Variants in TEDC2 observed in about 807,000 individuals in gnomAD.
The protein encoded by TEDC2 is tubulin epsilon and delta complex protein 2.
Under a neutral mutation model 48.1 loss-of-function variants are expected in TEDC2, and 49 were observed. The observed-to-expected ratio is 1.02, with a 90% confidence interval of 0.81 to 1.29. The LOEUF is 1.29. TEDC2 is among the 50% of genes most tolerant of loss of function. TEDC2 has a pLI of 0.00. For missense variants in TEDC2, 631 were observed against 571.4 expected (o/e 1.10, Z -1.06); for synonymous variants, 299 against 247.1 (o/e 1.21, Z -1.97).
Position 2,460,312 on chromosome 16 carries a change from A to T in TEDC2, c.56A>T (p.Asp19Val). ...GTGGCCGAGCTGCAGGGCGCCCTGG[A>T]CGCCTGCGCACAGCGACAATTGCAA... Reference protein sequence around the residue: ...RLVAELQGALDACAQRQLQLE... With the variant: ...RLVAELQGALVACAQRQLQLE... The change falls in exon 2 of 10, where the codon GAC becomes GTC. Residue 19 changes from aspartate (D) to valine (V), a missense_variant. Asp to Val is a radical substitution (Grantham distance 152). Transcript: ENST00000361837. 1 of 1,535,248 alleles carries T rather than the reference A, an allele frequency of 6.5e-7. No homozygotes were observed. Among genetic ancestry groups the T allele is most frequent in the Non-Finnish European group, 8.7e-7 (1 of 1,144,026 alleles).
chr16:2,462,600 GC>G, intron 7 of TEDC2, 30 bp from the exon 8 acceptor site: 1 of 1,537,700 alleles, frequency 6.5e-7, no homozygotes, highest in Non-Finnish European at 8.8e-7. Context: ...ACTGCCACGG[GC>G]CCCACCTGCT....
chr16:2,464,755 T>C lies in TEDC2; in HGVS notation c.*87T>C, dbSNP rs916954338. The C allele has an allele frequency of 1.1e-5, 17 of 1,545,790 alleles. No homozygotes were observed. The highest frequency in any genetic ancestry group is 1.7e-4 in the Middle Eastern group (1 of 5,968). On this transcript the variant is annotated 3_prime_UTR_variant, in exon 10 of 10. Coordinates refer to ENST00000361837, the MANE Select transcript of TEDC2 (RefSeq NM_025108.3). The stretch of plus-strand genomic sequence containing the variant: ...GTGCTCGGGGACCCAGAGATGCCTG[T>C]GCTTCCCTGGGAAACCTGGTGAACT...
intron 9 of TEDC2, 78 bp from the exon 10 acceptor site, chr16:2,464,444 G>A (rs1437087831): frequency 1.2e-5 from 17 of 1,438,474 alleles, no homozygotes; most frequent in Non-Finnish European, 9.3e-7. Flanking sequence ...TGAAGCATGG[G>A]GGCCTCGAAG....
In TEDC2 at chr16:2,461,889, G is replaced by C; in HGVS notation, c.659+89G>C. 8 of 1,498,498 alleles carry C rather than the reference G, an allele frequency of 5.3e-6. No individual in the cohort carries two copies. The South Asian group carries it at 9.0e-5, about 17-fold the overall frequency. The allele number at this position is 1,498,498 out of a possible 1,614,324, so 92.8% of individuals were successfully genotyped here. A position where few individuals can be genotyped will look rare whatever the true frequency, so the allele number is the denominator to read the frequency against. On this transcript the variant is annotated intron_variant, in intron 5 of 9. Coordinates refer to ENST00000361837, the MANE Select transcript of TEDC2 (RefSeq NM_025108.3). ...GACAGGTTCGAGATACTTTCCAGTG[G>C]GTCTCTTTGTCCTCTTTGCTGAGTG...
Position 2,461,238 on chromosome 16 carries a change from A to G in TEDC2, c.605+14A>G. The stretch of plus-strand genomic sequence containing the variant: ...CAAGGAGAAGGGGTAGGTTTCCCGG[A>G]CCCTCACTGGAGGGACTTCTGTCTC... On this transcript the variant is annotated intron_variant, in intron 4 of 9. Transcript: ENST00000361837. 2 of 1,448,046 alleles carry G rather than the reference A, an allele frequency of 1.4e-6. No homozygotes were observed. Among genetic ancestry groups the G allele is most frequent in the South Asian group, 1.5e-5 (1 of 67,224 alleles). The allele number at this position is 1,448,046 out of a possible 1,614,324, so 89.7% of individuals were successfully genotyped here.
intron 8 of TEDC2, among the ~76,000 whole-genome samples, chr16:2,463,539 A>G (rs963906762): frequency 1.3e-5 from 2 of 151,284 alleles, no homozygotes; most frequent in Admixed American, 6.6e-5. Context: ...AGGCACAAGA[A>G]TTGCTTGAAT....
rs2065490486 is a variant in TEDC2 at position 2,464,773 on chromosome 16, G to A, written c.*105G>A. ...ATGCCTGTGCTTCCCTGGGAAACCT[G>A]GTGAACTGGACCAGGTGGCCTCACT... On this transcript the variant is annotated 3_prime_UTR_variant, in exon 10 of 10. Transcript: ENST00000361837. The A allele has an allele frequency of 2.0e-6, 3 of 1,482,978 alleles. No homozygotes were observed. The highest frequency in any genetic ancestry group is 1.8e-6 in the Non-Finnish European group (2 of 1,094,122). 91.9% of individuals were successfully genotyped at this position (1,482,978 alleles called of 1,614,324 possible). A position where few individuals can be genotyped will look rare whatever the true frequency, so the allele number is the denominator to read the frequency against.
Position 2,464,881 on chromosome 16 carries a change from G to A in TEDC2, c.*213G>A, listed in dbSNP as rs2065491021. On this transcript the variant is annotated 3_prime_UTR_variant, in exon 10 of 10. Transcript: ENST00000361837. ...GCTCCTGGACTCCAGAGGCCAGCGGGGAGCCTTTCCTGGCTCCCTCTGTTT... is the reference window on the plus strand; with the variant it reads ...GCTCCTGGACTCCAGAGGCCAGCGGAGAGCCTTTCCTGGCTCCCTCTGTTT... 7 of 631,534 alleles carry A rather than the reference G, an allele frequency of 1.1e-5. No homozygotes were observed. In the South Asian group the frequency reaches 1.2e-4, roughly 11 times the overall value. 39.1% of individuals were successfully genotyped at this position (631,534 alleles called of 1,614,324 possible). A position where few individuals can be genotyped will look rare whatever the true frequency, so the allele number is the denominator to read the frequency against.
At chr16:2,461,651 A>G (rs1394359086) in intron 4 of TEDC2, 96 bp from the exon 5 acceptor site, 6 of 1,480,064 alleles carry the variant, frequency 4.1e-6, no homozygotes, top group Admixed American at 1.7e-5. Flanking sequence ...GGAGAGGGGC[A>G]AGAAGCCTCA....
chr16:2,461,551 C>T (rs965724639), intron 4 of TEDC2, 196 bp from the exon 5 acceptor site: 2 of 675,706 alleles, frequency 3.0e-6, no homozygotes, highest in Middle Eastern at 3.6e-4. Flanking sequence ...CCCCTCTTCT[C>T]TCTAATGGGG....
At chr16:2,463,940 A>T in intron 8 of TEDC2, 99 bp from the exon 9 acceptor site, 1 of 1,300,364 alleles carries the variant, frequency 7.7e-7, no homozygotes, top group Non-Finnish European at 1.1e-6. Flanking sequence ...TCCTAAAGGC[A>T]GGGCAGGTGG....
chr16:2,463,213 T>G (rs1303969922), intron 8 of TEDC2, among the ~76,000 whole-genome samples: 1 of 151,978 alleles, frequency 6.6e-6, no homozygotes, highest in African/African-American at 2.4e-5. Context: ...CCCAGCTACT[T>G]GGGAGGCTGA....
Position 2,462,883 on chromosome 16 carries a change from C to T in TEDC2, c.964+151C>T, listed in dbSNP as rs1321499258. On this transcript the variant is annotated intron_variant, in intron 8 of 9. Transcript: ENST00000361837. ...CCCCTCCACCCCTCCCACGCCACTC[C>T]CCAGTGTGCTGGGTCCTCACCAGTC... The T allele has an allele frequency of 1.3e-5, 9 of 693,106 alleles. No individual in the cohort carries two copies. In the African/African-American group the frequency reaches 1.6e-4, roughly 12 times the overall value. The allele number at this position is 693,106 out of a possible 1,614,324, so 42.9% of individuals were successfully genotyped here. A position where few individuals can be genotyped will look rare whatever the true frequency, so the allele number is the denominator to read the frequency against.
chr16:2,460,691 C>T lies in TEDC2; in HGVS notation c.194C>T (p.Pro65Leu). 1 of 1,613,114 alleles carries T rather than the reference C, an allele frequency of 6.2e-7. No individual in the cohort carries two copies. Among genetic ancestry groups the T allele is most frequent in the Non-Finnish European group, 8.5e-7 (1 of 1,180,006 alleles). Residue 65 changes from proline (P) to leucine (L), a missense_variant and splice_region_variant, in exon 3 of 10, where the codon CCA becomes CTA. Transcript: ENST00000361837. ...GAAACTAATGGAGAGGACCCCCTTC[C>T]AGGTAAACCTCCACCACCCGCCTTC... The part of the protein sequence containing the change: ...GPETNGEDPL[P>L]ACTPSPQDLK...
Position 2,462,693 on chromosome 16 carries a change from G to A in TEDC2, c.925G>A (p.Val309Met). 1 of 1,545,260 alleles carries A rather than the reference G, an allele frequency of 6.5e-7. No homozygotes were observed. The highest frequency in any genetic ancestry group is 8.7e-7 in the Non-Finnish European group (1 of 1,146,912). Residue 309 changes from valine (V) to methionine (M), a missense_variant, in exon 8 of 10, where the codon GTG becomes ATG. By Grantham distance (21) the Val-to-Met change is conservative (BLOSUM62 1). Transcript: ENST00000361837. The part of the protein sequence containing the change: ...LLTLEGLQAM[V>M]GQCLHRLQEL... Reference sequence around the variant, plus strand: ...CACGCTGGAGGGGCTGCAGGCCATGGTGGGCCAGTGTCTGCACAGGCTGCA... The same window carrying A: ...CACGCTGGAGGGGCTGCAGGCCATGATGGGCCAGTGTCTGCACAGGCTGCA...
At position 2,461,714 on chromosome 16, in the gene TEDC2, C is replaced by T. The variant is rs187937141; in HGVS notation, c.606-33C>T. ...GGGACTTGTAGACCCCAGAGCAAGGCGATGCTCCTCTGAACACGGGCTTCT... is the reference window on the plus strand; with the variant it reads ...GGGACTTGTAGACCCCAGAGCAAGGTGATGCTCCTCTGAACACGGGCTTCT... On this transcript the variant is annotated intron_variant, in intron 4 of 9. Transcript: ENST00000361837. 3.2e-5 allele frequency: 51 copies of T among 1,612,210 alleles called. No homozygotes were observed. In the East Asian group the frequency reaches 4.9e-4, roughly 15 times the overall value.
intron 2 of TEDC2, 59 bp downstream of exon 2, chr16:2,460,440 G>T (rs956198999): frequency 2.8e-5 from 43 of 1,533,356 alleles, no homozygotes; most frequent in Non-Finnish European, 3.8e-5. Context: ...GTCCCGCCCC[G>T]AGCGCCCAGG....
chr16:2,461,473 C>T, intron 4 of TEDC2: 1 of 655,836 alleles, frequency 1.5e-6, no homozygotes, highest in African/African-American at 1.8e-5. Flanking sequence ...CCTTATTTGC[C>T]CAGGCCAGAG....
Position 2,464,640 on chromosome 16 carries a change from C to G in TEDC2, c.1274C>G (p.Thr425Ser). ...TGCGAGGGAGGAGCACGTGTCCTTACCATCCTGCGGGATGAACCTGCAGTC... is the reference window on the plus strand; with the variant it reads ...TGCGAGGGAGGAGCACGTGTCCTTAGCATCCTGCGGGATGAACCTGCAGTC... ...LLCEGGARVLTILRDEPAV is the reference protein window; with the variant it reads ...LLCEGGARVLSILRDEPAV Residue 425 changes from threonine to serine, a missense_variant, in exon 10 of 10, where the codon ACC becomes AGC. Coordinates refer to ENST00000361837, the MANE Select transcript of TEDC2 (RefSeq NM_025108.3). The G allele has an allele frequency of 8.1e-6, 13 of 1,613,032 alleles. No homozygotes were observed. The highest frequency in any genetic ancestry group is 1.1e-5 in the Non-Finnish European group (13 of 1,179,990).
Sources: gnomAD v4.1 joint callset for allele counts (sites outside exome capture counted in the v4.1 genomes callset) on GRCh38, gnomAD v4.1.1 for gene constraint, MANE v1.5 for transcripts, NCBI Gene and HGNC (gene_info 2026-07-23, HGNC 2026-07-21) for gene names.